CSMD1: variants seen among roughly 807,000 people sequenced by gnomAD.
CSMD1 encodes the protein CUB and sushi domain-containing protein 1.
In CSMD1, 213 loss-of-function variants were observed where a neutral mutation model predicts 417.5. That is an observed-to-expected ratio of 0.51 (90% CI 0.46 to 0.57). The LOEUF (loss-of-function observed/expected upper bound fraction) is 0.57. Among genes scored for constraint, CSMD1 ranks in the 20% least tolerant of loss-of-function variants. CSMD1 has a pLI of 0.00. For synonymous variants in CSMD1, 2,862 were observed against 1,736.8 expected (o/e 1.65, Z -16.11); for missense variants, 6,923 against 4,529.7 (o/e 1.53, Z -15.17).
intron 5 of CSMD1, among the ~76,000 whole-genome samples, chr8:3,815,522 A>G (rs1801320897): frequency 6.7e-6 from 1 of 150,196 alleles, no homozygotes; most frequent in Admixed American, 6.7e-5. Flanking sequence ...TTTAAACAAG[A>G]TATCAAACAA....
chr8:3,044,166 A>G (rs1811287433), intron 50 of CSMD1, among the ~76,000 whole-genome samples: 1 of 152,194 alleles, frequency 6.6e-6, no homozygotes, highest in African/African-American at 2.4e-5. Context: ...TAGCCCAAAT[A>G]CCATGTCATA....
intron 2 of CSMD1, among the ~76,000 whole-genome samples, chr8:4,517,428 G>A (rs888219856): frequency 6.6e-6 from 1 of 152,148 alleles, no homozygotes; most frequent in African/African-American, 2.4e-5. Context: ...AGATAATAAA[G>A]AAGAGTCTGT....
At chr8:2,955,880 A>G (rs1802968846) in intron 63 of CSMD1, 112 bp from the exon 64 acceptor site, 4 of 665,074 alleles carry the variant, frequency 6.0e-6, no homozygotes, top group South Asian at 2.4e-5. Flanking sequence ...GTCAATATGT[A>G]TATATACATA....
At chr8:3,697,230 G>C (rs978578775) in intron 7 of CSMD1, among the ~76,000 whole-genome samples, 56 of 152,154 alleles carry the variant, frequency 3.7e-4, no homozygotes, top group African/African-American at 1.3e-3. Context: ...GAAAATGGTA[G>C]TCAGTTTCAG....
At chr8:4,580,265 G>T (rs1172356041) in intron 2 of CSMD1, among the ~76,000 whole-genome samples, 1 of 152,074 alleles carries the variant, frequency 6.6e-6, no homozygotes, top group Non-Finnish European at 1.5e-5. Flanking sequence ...CTCGGCTGTG[G>T]TCATCACCCA....
At chr8:4,871,483 T>G (rs1031841970) in intron 1 of CSMD1, among the ~76,000 whole-genome samples, 2 of 152,086 alleles carry the variant, frequency 1.3e-5, no homozygotes, top group African/African-American at 2.4e-5. Context: ...TATAATCAAG[T>G]TGACCCAACG....
At chr8:4,401,526 C>T (rs7006904) in intron 3 of CSMD1, among the ~76,000 whole-genome samples, 106,031 of 151,894 alleles carry the variant, frequency 0.7, 37,147 homozygotes, top group East Asian at 0.82. Flanking sequence ...AGCTTCTACC[C>T]TCCCAGCAGT....
In CSMD1 at chr8:4,350,720, C is replaced by T. The variant is rs138622943; in HGVS notation, c.415+69233G>A. Among the ~76,000 whole-genome samples, 54 of 152,278 alleles carry T rather than the reference C, an allele frequency of 3.5e-4. No homozygotes were observed. In the East Asian group the frequency reaches 9.9e-3, roughly 28 times the overall value. ...AAGGTTGTCCACTTCTCCTGCTGACCAAAAGTCACATTTGCTCTTCTCTAA... is the reference window on the plus strand; with the variant it reads ...AAGGTTGTCCACTTCTCCTGCTGACTAAAAGTCACATTTGCTCTTCTCTAA... On this transcript the variant is annotated intron_variant, in intron 3 of 69. Coordinates refer to ENST00000635120, the MANE Select transcript of CSMD1 (RefSeq NM_033225.6).
rs545955923 is a variant in CSMD1, at chr8:3,434,042, T to A, written c.1562-24437A>T. Among the ~76,000 whole-genome samples the A allele has an allele frequency of 7.9e-5, 12 of 152,326 alleles. No homozygotes were observed. In the East Asian group the frequency reaches 1.3e-3, roughly 17 times the overall value. ...TTTCTCATGAACTACAACAATCGCA[T>A]CATTCCTGGCATTCTTTGATTATGA... is the stretch of plus-strand genomic sequence containing the variant. On this transcript the variant is annotated intron_variant, in intron 12 of 69. Coordinates refer to ENST00000635120, the MANE Select transcript of CSMD1 (RefSeq NM_033225.6).
chr8:4,031,485 A>G (rs938786125), intron 4 of CSMD1, among the ~76,000 whole-genome samples: 3 of 152,162 alleles, frequency 2.0e-5, no homozygotes, highest in Non-Finnish European at 4.4e-5. Flanking sequence ...ACTTACCCCC[A>G]TGATTCAATT....
intron 1 of CSMD1, among the ~76,000 whole-genome samples, chr8:4,831,238 A>C (rs1376271760): frequency 6.6e-6 from 1 of 152,186 alleles, no homozygotes; most frequent in Non-Finnish European, 1.5e-5. Flanking sequence ...AAAGAGGGAG[A>C]ATTACAAGAG....
chr8:4,671,325 T>A (rs1805310695), intron 1 of CSMD1, among the ~76,000 whole-genome samples: 1 of 152,150 alleles, frequency 6.6e-6, no homozygotes, highest in South Asian at 2.1e-4. Flanking sequence ...TTTATTCTTG[T>A]TTTTTAAACC....
At chr8:3,443,275 T>C (rs942180163) in intron 12 of CSMD1, among the ~76,000 whole-genome samples, 9 of 152,108 alleles carry the variant, frequency 5.9e-5, no homozygotes, top group Non-Finnish European at 1.2e-4. Context: ...GGAAGACTGA[T>C]TGAATAAACT....
intron 5 of CSMD1, among the ~76,000 whole-genome samples, chr8:3,885,150 C>T (rs1563177230): frequency 2.6e-5 from 4 of 152,114 alleles, no homozygotes; most frequent in Admixed American, 1.3e-4. Context: ...GATCCCATCT[C>T]GTGACTGTAT....
At chr8:3,627,564 T>G (rs555088174) in intron 7 of CSMD1, among the ~76,000 whole-genome samples, 2 of 152,332 alleles carry the variant, frequency 1.3e-5, no homozygotes, top group South Asian at 4.1e-4. Context: ...TACAGGTATC[T>G]GTAAATGTGG....
At chr8:3,122,982 T>A (rs1817292921) in intron 41 of CSMD1, among the ~76,000 whole-genome samples, 1 of 152,190 alleles carries the variant, frequency 6.6e-6, no homozygotes, top group African/African-American at 2.4e-5. Context: ...CTCCAGGTGT[T>A]CGAAGGAAGA....
At chr8:4,597,081 A>T (rs1226083239) in intron 2 of CSMD1, among the ~76,000 whole-genome samples, 1 of 150,388 alleles carries the variant, frequency 6.6e-6, no homozygotes, top group Non-Finnish European at 1.5e-5. Context: ...CTTTTTCAGC[A>T]GCATGAAAAC....
At chr8:3,312,290 T>C (rs1805411736) in intron 23 of CSMD1, among the ~76,000 whole-genome samples, 1 of 152,208 alleles carries the variant, frequency 6.6e-6, no homozygotes. Context: ...GGCAGCGTAG[T>C]TTTCTCTTTA....
chr8:3,591,253 A>C (rs1800831008), intron 8 of CSMD1, among the ~76,000 whole-genome samples: 1 of 152,194 alleles, frequency 6.6e-6, no homozygotes, highest in Admixed American at 6.5e-5. Flanking sequence ...AATTAAATAC[A>C]ACAGGGAAAC....
Sources: allele counts gnomAD v4.1 joint callset (sites outside exome capture counted in the v4.1 genomes callset), GRCh38; gene constraint gnomAD v4.1.1; transcripts MANE v1.5; gene names NCBI Gene and HGNC (gene_info 2026-07-23, HGNC 2026-07-21).